Variants in TMEM114 observed in about 807,000 individuals in gnomAD.
The protein encoded by TMEM114 is claudin-26.
A neutral mutation model predicts 6.2 loss-of-function variants in TMEM114; 6 were observed. The observed-to-expected ratio is 0.97, with a 90% CI of 0.53 to 1.91. The LOEUF (loss-of-function observed/expected upper bound fraction) is 1.91, where lower values mean the gene tolerates loss of function less well. Ranked by LOEUF, TMEM114 falls within the 40% of genes most tolerant of loss-of-function variation. TMEM114 has a pLI of 0.01. For missense variants in TMEM114, 218 were observed against 158.3 expected (o/e 1.38, Z -2.02); for synonymous variants, 104 against 73.0 (o/e 1.42, Z -2.16).
Position 8,585,754 on chromosome 16 carries a change from G to A in TMEM114, c.301+3459C>T, listed in dbSNP as rs531876860. 9.9e-5 allele frequency among the ~76,000 whole-genome samples: 15 copies of A among 152,228 alleles called. No homozygotes were observed. In the South Asian group the frequency reaches 1.7e-3, roughly 17 times the overall value. ...CAGCTACCACTTACAGCACACTTCC[G>A]GAGGCCAGACACCACATTAGGCTCT... On this transcript the variant is annotated intron_variant, in intron 2 of 3. Coordinates refer to ENST00000620492, the MANE Select transcript of TMEM114 (RefSeq NM_001146336.2).
intron 2 of TMEM114, among the ~76,000 whole-genome samples, chr16:8,539,055 A>T (rs1900442657): frequency 6.6e-6 from 1 of 152,208 alleles, no homozygotes. Flanking sequence ...AATTCTGATT[A>T]TTAAATAGCG....
chr16:8,538,020 T>TG (rs1161729140), intron 2 of TMEM114, among the ~76,000 whole-genome samples: 1 of 149,090 alleles, frequency 6.7e-6, no homozygotes, highest in Non-Finnish European at 1.5e-5. Flanking sequence ...GCCCTGAGAC[T>TG]GGGCGCCGTG....
chr16:8,559,465 G>T (rs758170758), intron 2 of TMEM114, among the ~76,000 whole-genome samples: 1 of 152,284 alleles, frequency 6.6e-6, no homozygotes, highest in Non-Finnish European at 1.5e-5. Flanking sequence ...GCCCGCCATG[G>T]GCTCCCTGAG....
downstream of TMEM114, among the ~76,000 whole-genome samples, chr16:8,566,414 A>G (rs1901548128): frequency 6.6e-6 from 1 of 152,030 alleles, no homozygotes; most frequent in Non-Finnish European, 1.5e-5. Context: ...AACAGGTCAG[A>G]ATAGAATGAT....
intron 2 of TMEM114, among the ~76,000 whole-genome samples, chr16:8,549,328 C>T (rs1217642475): frequency 4.6e-5 from 7 of 151,586 alleles, no homozygotes; most frequent in Non-Finnish European, 1.0e-4. Context: ...GACAAAACCC[C>T]GTCTCTACTA....
intron 2 of TMEM114, among the ~76,000 whole-genome samples, chr16:8,559,391 G>A (rs568875814): frequency 1.4e-5 from 2 of 147,060 alleles, no homozygotes; most frequent in Admixed American, 6.8e-5. Context: ...CACAGATCAG[G>A]ACCAACGTCC....
At chr16:8,566,493 T>C (rs1332408618), downstream of TMEM114, among the ~76,000 whole-genome samples, 1 of 150,960 alleles carries the variant, frequency 6.6e-6, no homozygotes, top group Non-Finnish European at 1.5e-5. Context: ...ATAGAACAGA[T>C]CAGAATGGAT....
intron 2 of TMEM114, among the ~76,000 whole-genome samples, chr16:8,559,179 A>T (rs1263956610): frequency 6.6e-6 from 1 of 151,880 alleles, no homozygotes; most frequent in African/African-American, 2.4e-5. Context: ...GTTAGCTGGG[A>T]CTATACGCAT....
In TMEM114 at chr16:8,538,684, T is replaced by G. The variant is rs868054187; in HGVS notation, n.213-858A>C. Among the ~76,000 whole-genome samples, 3 of 152,160 alleles carry G rather than the reference T, an allele frequency of 2.0e-5. No homozygotes were observed. In the South Asian group the frequency reaches 6.2e-4, roughly 32 times the overall value. On this transcript the variant is annotated intron_variant and non_coding_transcript_variant, in intron 2 of 2. Coordinates refer to the TMEM114 transcript ENST00000623677. ...CACCACGCCCAGCTAATTTTTGTAT[T>G]TTTAGTAGAGATGGGGTTTCACCCT...
At chr16:8,561,715 G>A (rs12932210) in intron 2 of TMEM114, among the ~76,000 whole-genome samples, 1 of 152,090 alleles carries the variant, frequency 6.6e-6, no homozygotes, top group Non-Finnish European at 1.5e-5. Flanking sequence ...ATCAGTGAAT[G>A]AATGAGTGAG....
At chr16:8,564,049 G>T (rs143510198) in intron 2 of TMEM114, among the ~76,000 whole-genome samples, 13,691 of 150,584 alleles carry the variant, frequency 0.091, 883 homozygotes, top group Middle Eastern at 0.18. Flanking sequence ...GAATGAGTGA[G>T]TGAATGAGTA....
At chr16:8,553,851 C>A (rs143374994) in intron 2 of TMEM114, among the ~76,000 whole-genome samples, 1 of 152,024 alleles carries the variant, frequency 6.6e-6, no homozygotes, top group South Asian at 2.1e-4. Flanking sequence ...AGGCTCACAC[C>A]ACTATGGCTG....
chr16:8,589,993 G>GC lies in TMEM114; in HGVS notation c.-156dup. 1 of 383,714 alleles carries GC rather than the reference G, an allele frequency of 2.6e-6. No individual in the cohort carries two copies. The highest frequency in any genetic ancestry group is 4.5e-5 in the Admixed American group (1 of 22,174). 23.8% of individuals were successfully genotyped at this position (383,714 alleles called of 1,614,324 possible). On this transcript the variant is annotated 5_prime_UTR_variant, in exon 1 of 4. Transcript: ENST00000620492. ...TGAAAGCCTTTCCTTTGGACCCCGGGCCCTAGCTTAGACCCTGGCTCCTCA... is the reference window on the plus strand; with the variant it reads ...TGAAAGCCTTTCCTTTGGACCCCGGGCCCCTAGCTTAGACCCTGGCTCCTCA...
At chr16:8,527,162 A>G in the TMEM114 span, among the ~76,000 whole-genome samples, 1 of 152,190 alleles carries the variant, frequency 6.6e-6, no homozygotes, top group African/African-American at 2.4e-5. Flanking sequence ...AGCCAAGATC[A>G]TGCCACTGCA....
At chr16:8,572,349 G>T in intron 2 of TMEM114, 125 bp from the exon 3 acceptor site, 1 of 997,924 alleles carries the variant, frequency 1.0e-6, no homozygotes, top group Non-Finnish European at 1.5e-6. Flanking sequence ...CCCCTACGAC[G>T]ATTACTTCTA....
chr16:8,569,995 G>T lies in TMEM114; in HGVS notation c.450C>A (p.Thr150=). Residue 150 remains threonine (T), a synonymous_variant, in exon 4 of 4, where the codon ACC becomes ACA. Transcript: ENST00000620492. Reference sequence around the variant, plus strand: ...CTATGTAGACGCTGATCCCAGCGAGGGTCACCATGGCTGCAGGGAGGGCAA... The same window carrying T: ...CTATGTAGACGCTGATCCCAGCGAGTGTCACCATGGCTGCAGGGAGGGCAA... ...GILFLFGAMV[T]LAGISVYIAY... The T allele has an allele frequency of 6.5e-7, 1 of 1,549,336 alleles. No homozygotes were observed. Among genetic ancestry groups the T allele is most frequent in the South Asian group, 1.2e-5 (1 of 84,006 alleles).
intron 2 of TMEM114, among the ~76,000 whole-genome samples, chr16:8,558,006 C>G (rs73507829): frequency 0.29 from 44,011 of 151,876 alleles, 6,566 homozygotes; most frequent in East Asian, 0.39. Flanking sequence ...GTAATCCCAG[C>G]ACTTTGGGAG....
rs1346929664 is a variant in TMEM114 at position 8,590,109 on chromosome 16, CT to C, written c.-272del. On this transcript the variant is annotated 5_prime_UTR_variant, in exon 1 of 4. Coordinates refer to ENST00000620492, the MANE Select transcript of TMEM114 (RefSeq NM_001146336.2). ...CCAGCTCTACCTGCAGACCCCCTCA[CT>C]CTCACTTGTGCTGTCCGACCTCCAC... 1 of 349,752 alleles carries C rather than the reference CT, an allele frequency of 2.9e-6. No individual in the cohort carries two copies. The highest frequency in any genetic ancestry group is 4.8e-5 in the Admixed American group (1 of 20,940). The allele number at this position is 349,752 out of a possible 1,614,324, so 21.7% of individuals were successfully genotyped here.
chr16:8,568,224 C>T (rs148569789), downstream of TMEM114, among the ~76,000 whole-genome samples: 1 of 152,312 alleles, frequency 6.6e-6, no homozygotes, highest in East Asian at 1.9e-4. Flanking sequence ...GCCTCTCTCT[C>T]CTCAATCATG....
Sources: allele counts gnomAD v4.1 joint callset (sites outside exome capture counted in the v4.1 genomes callset), GRCh38; gene constraint gnomAD v4.1.1; transcripts MANE v1.5; gene names NCBI Gene and HGNC (gene_info 2026-07-23, HGNC 2026-07-21).